Variants in LRMDA observed in about 807,000 individuals in gnomAD.
LRMDA encodes leucine rich melanocyte differentiation associated.
A neutral mutation model predicts 29.8 loss-of-function variants in LRMDA; 18 were observed. The ratio of observed to expected loss-of-function variants is 0.60; its 90% CI spans 0.42 to 0.90. The LOEUF (loss-of-function observed/expected upper bound fraction) is 0.90. Ranked by LOEUF, LRMDA falls within the 40% of genes least tolerant of loss-of-function variation. The pLI, the probability that LRMDA is intolerant of heterozygous loss-of-function variation, is 0.00. For synonymous variants in LRMDA, 125 were observed against 109.4 expected (o/e 1.14, Z -0.89); for missense variants, 273 against 273.9 (o/e 1.00, Z 0.02).
At chr10:76,263,338 T>G (rs1589400268) in intron 5 of LRMDA, among the ~76,000 whole-genome samples, 2 of 152,268 alleles carry the variant, frequency 1.3e-5, no homozygotes, top group South Asian at 4.1e-4. Context: ...TTGCAAAAAC[T>G]TTTTATCAGT....
chr10:75,495,333 GT>G (rs146482676), intron 2 of LRMDA, among the ~76,000 whole-genome samples: 5 of 148,016 alleles, frequency 3.4e-5, no homozygotes, highest in Admixed American at 6.7e-5. Flanking sequence ...GCCTTTTATG[GT>G]TTTTTTTTTC....
chr10:75,825,454 T>A (rs1844232799), intron 2 of LRMDA, among the ~76,000 whole-genome samples: 1 of 152,140 alleles, frequency 6.6e-6, no homozygotes, highest in African/African-American at 2.4e-5. Context: ...TGGTTAGTTA[T>A]TAACTGCAAA....
intron 2 of LRMDA, among the ~76,000 whole-genome samples, chr10:75,470,035 A>G (rs958068884): frequency 4.6e-5 from 7 of 152,118 alleles, no homozygotes; most frequent in Non-Finnish European, 5.9e-5. Flanking sequence ...TCTCCCCTTT[A>G]ATAATACTTT....
intron 2 of LRMDA, among the ~76,000 whole-genome samples, chr10:76,022,969 C>T (rs1848000021): frequency 6.6e-6 from 1 of 152,018 alleles, no homozygotes; most frequent in Non-Finnish European, 1.5e-5. Context: ...GCTTACTTGA[C>T]TAGTGCGATG....
intron 2 of LRMDA, among the ~76,000 whole-genome samples, chr10:75,820,324 A>G (rs1844135355): frequency 6.6e-6 from 1 of 151,822 alleles, no homozygotes; most frequent in Non-Finnish European, 1.5e-5. Context: ...ACTAGAGTGA[A>G]ATAGAACTAG....
At chr10:75,961,893 GTC>G (rs1846773677) in intron 2 of LRMDA, among the ~76,000 whole-genome samples, 1 of 152,100 alleles carries the variant, frequency 6.6e-6, no homozygotes. Flanking sequence ...TCTGTTCCAG[GTC>G]TCTCTCCTGG....
intron 5 of LRMDA, among the ~76,000 whole-genome samples, chr10:76,150,833 G>A (rs986259592): frequency 2.6e-5 from 4 of 152,140 alleles, no homozygotes; most frequent in Admixed American, 6.5e-5. Context: ...TATTAACTGC[G>A]AAAAGACGTT....
chr10:76,424,206 C>T (rs1329493961), intron 6 of LRMDA, among the ~76,000 whole-genome samples: 2 of 152,128 alleles, frequency 1.3e-5, no homozygotes, highest in Non-Finnish European at 2.9e-5. Flanking sequence ...TCTAGTGACC[C>T]TCATGAATAA....
intron 2 of LRMDA, among the ~76,000 whole-genome samples, chr10:75,982,484 TC>T (rs752624038): frequency 3.9e-5 from 6 of 152,110 alleles, no homozygotes; most frequent in Admixed American, 1.3e-4. Context: ...TTGTGTGGAT[TC>T]CCCCTGTTAG....
At chr10:75,552,424 T>TC (rs1564798616) in intron 2 of LRMDA, 35 of 278,028 alleles carry the variant, frequency 1.3e-4, no homozygotes, top group African/African-American at 7.4e-4. Flanking sequence ...TTTTTTTTTT[T>TC]TCCCCCCCCT....
intron 2 of LRMDA, among the ~76,000 whole-genome samples, chr10:75,670,662 G>T (rs990538425): frequency 3.9e-5 from 6 of 152,164 alleles, no homozygotes; most frequent in African/African-American, 1.4e-4. Flanking sequence ...TTGACCATTA[G>T]GTTCTTTCTC....
intron 5 of LRMDA, among the ~76,000 whole-genome samples, chr10:76,089,702 A>C (rs1182073634): frequency 6.6e-6 from 1 of 152,180 alleles, no homozygotes; most frequent in African/African-American, 2.4e-5. Flanking sequence ...TGAGCTGATC[A>C]GCTTTCCATA....
chr10:76,256,454 G>A (rs73286987), intron 5 of LRMDA, among the ~76,000 whole-genome samples: 2,149 of 152,236 alleles, frequency 0.014, 47 homozygotes, highest in African/African-American at 0.048. Flanking sequence ...TATTTCCAGC[G>A]TTATTCACAG....
At chr10:75,919,903 T>C (rs1820976134) in intron 2 of LRMDA, among the ~76,000 whole-genome samples, 1 of 152,108 alleles carries the variant, frequency 6.6e-6, no homozygotes, top group Non-Finnish European at 1.5e-5. Context: ...CATTTTTTTT[T>C]AAACCCTTGA....
At chr10:75,754,863 G>A (rs1589188871) in intron 2 of LRMDA, among the ~76,000 whole-genome samples, 1 of 151,518 alleles carries the variant, frequency 6.6e-6, no homozygotes. Context: ...ATCCATCCAC[G>A]GTCCGTAGGA....
chr10:76,491,100 T>G (rs914970931), intron 6 of LRMDA, among the ~76,000 whole-genome samples: 1 of 152,048 alleles, frequency 6.6e-6, no homozygotes, highest in African/African-American at 2.4e-5. Context: ...TAATTTTTTT[T>G]TGTTTCTATG....
intron 5 of LRMDA, among the ~76,000 whole-genome samples, chr10:76,170,798 A>C (rs994414543): frequency 6.6e-6 from 1 of 152,314 alleles, no homozygotes; most frequent in African/African-American, 2.4e-5. Flanking sequence ...TCTGGACTGA[A>C]GTTCACCTTC....
chr10:75,632,021 T>C (rs927023125), intron 2 of LRMDA, among the ~76,000 whole-genome samples: 1 of 152,218 alleles, frequency 6.6e-6, no homozygotes, highest in African/African-American at 2.4e-5. Flanking sequence ...TTCCCTATTA[T>C]TTTGTTGGCT....
chr10:75,894,671 C>G (rs1396056754), intron 2 of LRMDA, among the ~76,000 whole-genome samples: 2 of 152,082 alleles, frequency 1.3e-5, no homozygotes, highest in African/African-American at 4.8e-5. Flanking sequence ...TGTAGCCTGG[C>G]ATGAGAAAGA....
Sources: allele counts gnomAD v4.1 joint callset (sites outside exome capture counted in the v4.1 genomes callset), GRCh38; gene constraint gnomAD v4.1.1; transcripts MANE v1.5; gene names NCBI Gene and HGNC (gene_info 2026-07-23, HGNC 2026-07-21).